PKP1: variants seen among roughly 807,000 people sequenced by gnomAD.
The protein encoded by PKP1 is plakophilin-1.
Under a neutral mutation model 76.4 loss-of-function variants are expected in PKP1, and 27 were observed. The observed-to-expected ratio is 0.35, with a 90% CI of 0.26 to 0.49. The LOEUF is 0.49. Ranked by LOEUF, PKP1 falls within the 20% of genes least tolerant of loss-of-function variation. The pLI, the probability that PKP1 is intolerant of heterozygous loss-of-function variation, is 0.99. For missense variants in PKP1, 964 were observed against 955.2 expected, an observed-to-expected ratio of 1.01 and a Z score of -0.12; for synonymous variants, 404 against 384.2, an observed-to-expected ratio of 1.05 and a Z score of -0.60.
intron 2 of PKP1, among the ~76,000 whole-genome samples, chr1:201,299,902 G>T (rs906776136): frequency 6.6e-6 from 1 of 152,182 alleles, no homozygotes; most frequent in Non-Finnish European, 1.5e-5. Context: ...GGGTTCCTTC[G>T]GCAGTGCCTG....
In PKP1 at chr1:201,324,936, C is replaced by T. The variant is rs1558196335; in HGVS notation, c.1835-5C>T. 1.9e-6 allele frequency: 3 copies of T among 1,613,034 alleles called. No homozygotes were observed. The African/African-American group carries it at 4.0e-5, about 22-fold the overall frequency. ...ACCCTGTGCCCCAACTCGTTCCTCT[C>T]CCAGGGAACCAGGTGTTCCCGGAGG... On this transcript the variant is annotated splice_polypyrimidine_tract_variant and splice_region_variant and intron_variant, in intron 10 of 13. Coordinates refer to ENST00000367324, the MANE Select transcript of PKP1 (RefSeq NM_001005337.3).
intron 12 of PKP1, among the ~76,000 whole-genome samples, chr1:201,327,504 C>A (rs1286920206): frequency 6.6e-6 from 1 of 152,176 alleles, no homozygotes; most frequent in Non-Finnish European, 1.5e-5. Context: ...ATGGCAACTG[C>A]CAGATAGACA....
chr1:201,317,205 C>A (rs1021461344), intron 4 of PKP1, among the ~76,000 whole-genome samples: 1 of 152,122 alleles, frequency 6.6e-6, no homozygotes, highest in Non-Finnish European at 1.5e-5. Context: ...AGTTTGTATG[C>A]ATTTCTATGT....
chr1:201,323,290 G>C, intron 9 of PKP1, 101 bp downstream of exon 9: 1 of 1,147,220 alleles, frequency 8.7e-7, no homozygotes, highest in Non-Finnish European at 1.3e-6. Context: ...CCTGACTTCG[G>C]AGCCTCCCAT....
intron 11 of PKP1, 63 bp downstream of exon 11, chr1:201,325,190 C>G (rs1657078920): frequency 1.3e-6 from 2 of 1,522,236 alleles, no homozygotes; most frequent in Admixed American, 1.7e-5. Context: ...CCCTGCACAG[C>G]AGGAAGCAGT....
intron 12 of PKP1, 82 bp downstream of exon 12, chr1:201,325,920 G>A (rs1657110248): frequency 1.3e-5 from 14 of 1,039,688 alleles, no homozygotes; most frequent in Admixed American, 1.8e-5. Flanking sequence ...GCTCTGGGCT[G>A]GGCACTAGAG....
chr1:201,300,435 G>A (rs1656194736), intron 2 of PKP1, among the ~76,000 whole-genome samples: 1 of 152,358 alleles, frequency 6.6e-6, no homozygotes, highest in African/African-American at 2.4e-5. Context: ...TGAGCTCGGG[G>A]AGCTTCCTTT....
chr1:201,306,967 G>T (rs1396443821), intron 2 of PKP1, among the ~76,000 whole-genome samples: 2 of 152,218 alleles, frequency 1.3e-5, no homozygotes, highest in East Asian at 3.8e-4. Flanking sequence ...ACCGCACCTG[G>T]ACTACATTTT....
chr1:201,309,767 G>GGAAT, intron 2 of PKP1, among the ~76,000 whole-genome samples: 1 of 152,288 alleles, frequency 6.6e-6, no homozygotes, highest in Non-Finnish European at 1.5e-5. Context: ...AAACGTGTGG[G>GGAAT]GACATTTTGC....
chr1:201,313,320 G>A lies in PKP1; in HGVS notation c.461G>A (p.Arg154His), dbSNP rs762587116. The change falls in exon 3 of 14, where the codon CGC (arginine) becomes CAC (histidine). Residue 154 changes from arginine to histidine, a missense_variant. Physicochemically the swap from Arg to His is conservative, Grantham distance 29 (BLOSUM62 0). Coordinates refer to ENST00000367324, the MANE Select transcript of PKP1 (RefSeq NM_001005337.3). ...TTCATGCAGAAAATCAAGGCGAGCC[G>A]CAGTGAGCCCGACCTCTACTGTGAC... Reference protein sequence around the residue: ...ICFMQKIKASRSEPDLYCDPR... With the variant: ...ICFMQKIKASHSEPDLYCDPR... 8.8e-6 allele frequency: 14 copies of A among 1,594,884 alleles called. No homozygotes were observed. The highest frequency in any genetic ancestry group is 4.5e-5 in the East Asian group (2 of 44,004).
chr1:201,314,596 G>T (rs1315615365), intron 3 of PKP1, among the ~76,000 whole-genome samples: 1 of 152,246 alleles, frequency 6.6e-6, no homozygotes, highest in Non-Finnish European at 1.5e-5. Flanking sequence ...GGAAACAAAG[G>T]AGACCAAATG....
chr1:201,296,397 G>A lies in PKP1; in HGVS notation c.306+2352G>A, dbSNP rs1047478094. Among the ~76,000 whole-genome samples, 7 of 152,200 alleles carry A rather than the reference G, an allele frequency of 4.6e-5. No individual in the cohort carries two copies. In the East Asian group the frequency reaches 1.2e-3, roughly 25 times the overall value. On this transcript the variant is annotated intron_variant, in intron 2 of 13. Coordinates refer to ENST00000367324, the MANE Select transcript of PKP1 (RefSeq NM_001005337.3). ...ATGGATGGTACAACTGGCACAGGAC[G>A]ATGTTATTCCTCCCCTCTGGTGAAA...
intron 2 of PKP1, among the ~76,000 whole-genome samples, chr1:201,311,096 C>A (rs1019210434): frequency 6.6e-6 from 1 of 152,226 alleles, no homozygotes; most frequent in Admixed American, 6.5e-5. Flanking sequence ...CAAGGGTGCT[C>A]CTTGTTGCAT....
intron 3 of PKP1, 89 bp downstream of exon 3, chr1:201,313,649 G>A: frequency 7.4e-7 from 1 of 1,350,756 alleles, no homozygotes; most frequent in Non-Finnish European, 1.0e-6. Flanking sequence ...AGGGCTCCTG[G>A]GATGACAGGA....
chr1:201,311,577 C>T (rs935441306), intron 2 of PKP1, among the ~76,000 whole-genome samples: 1 of 152,154 alleles, frequency 6.6e-6, no homozygotes, highest in Admixed American at 6.5e-5. Flanking sequence ...TGACTCCCTG[C>T]AGAGATGAAA....
intron 1 of PKP1, among the ~76,000 whole-genome samples, chr1:201,289,102 G>A (rs904984072): frequency 2.0e-5 from 3 of 152,158 alleles, no homozygotes; most frequent in Admixed American, 6.5e-5. Context: ...CCAGCAGAGG[G>A]GGCAGGAGGC....
At chr1:201,286,881 C>T (rs567146372) in intron 1 of PKP1, among the ~76,000 whole-genome samples, 1 of 152,156 alleles carries the variant, frequency 6.6e-6, no homozygotes, top group Non-Finnish European at 1.5e-5. Context: ...GAAGGAAACA[C>T]TTATCCACCT....
chr1:201,292,802 A>G (rs1318079100), intron 1 of PKP1, among the ~76,000 whole-genome samples: 3 of 152,168 alleles, frequency 2.0e-5, no homozygotes, highest in Admixed American at 2.0e-4. Flanking sequence ...ACTCACCTTC[A>G]TCCCCCAAGG....
intron 4 of PKP1, among the ~76,000 whole-genome samples, chr1:201,316,899 A>G (rs1558192155): frequency 1.3e-5 from 2 of 152,196 alleles, no homozygotes; most frequent in Non-Finnish European, 2.9e-5. Flanking sequence ...TTAAGTGGAC[A>G]TTAGGCAGGT....
Sources: allele counts gnomAD v4.1 joint callset (sites outside exome capture counted in the v4.1 genomes callset), GRCh38; gene constraint gnomAD v4.1.1; transcripts MANE v1.5; gene names NCBI Gene and HGNC (gene_info 2026-07-23, HGNC 2026-07-21).